MAP2: variants seen among roughly 807,000 people sequenced by gnomAD.
The protein encoded by MAP2 is microtubule-associated protein 2.
A neutral mutation model predicts 137.6 loss-of-function variants in MAP2; 14 were observed. That is an observed-to-expected ratio of 0.10 (90% CI 0.07 to 0.16). The LOEUF (loss-of-function observed/expected upper bound fraction) is 0.16, where lower values mean the gene tolerates loss of function less well. MAP2 is among the 10% of genes least tolerant of loss of function. The pLI is 1.00. For synonymous variants in MAP2, 786 were observed against 782.3 expected (o/e 1.00, Z -0.08); for missense variants, 2,088 against 2,191.5 (o/e 0.95, Z 0.94).
chr2:209,581,833 C>T (rs1476990376), intron 3 of MAP2, among the ~76,000 whole-genome samples: 1 of 152,128 alleles, frequency 6.6e-6, no homozygotes, highest in Non-Finnish European at 1.5e-5. Flanking sequence ...GGAGAAGGGG[C>T]ATACAATCTC....
chr2:209,602,348 T>C (rs1289472904), intron 3 of MAP2, among the ~76,000 whole-genome samples: 1 of 152,164 alleles, frequency 6.6e-6, no homozygotes. Context: ...TAACAAAGGA[T>C]GCAAAGGTAT....
intron 3 of MAP2, among the ~76,000 whole-genome samples, chr2:209,595,890 G>C (rs2081154408): frequency 6.6e-6 from 1 of 152,160 alleles, no homozygotes; most frequent in South Asian, 2.1e-4. Context: ...TCACTCATAG[G>C]TGGGAATTGA....
At chr2:209,614,874 C>T (rs2088586582) in intron 3 of MAP2, among the ~76,000 whole-genome samples, 1 of 152,038 alleles carries the variant, frequency 6.6e-6, no homozygotes, top group African/African-American at 2.4e-5. Flanking sequence ...TGGAGATCAC[C>T]CTTAATTGTA....
At chr2:209,467,930 T>A (rs1704561473) in intron 1 of MAP2, among the ~76,000 whole-genome samples, 1 of 152,208 alleles carries the variant, frequency 6.6e-6, no homozygotes. Flanking sequence ...CTAGCTCATA[T>A]GAAGTGCTAC....
intron 2 of MAP2, among the ~76,000 whole-genome samples, chr2:209,536,350 T>G (rs868824534): frequency 5.3e-5 from 8 of 152,260 alleles, no homozygotes; most frequent in Non-Finnish European, 8.8e-5. Flanking sequence ...TGCTTCATTT[T>G]GGGCTTGAGC....
intron 1 of MAP2, among the ~76,000 whole-genome samples, chr2:209,479,296 G>A (rs1708158618): frequency 2.0e-5 from 3 of 152,016 alleles, no homozygotes; most frequent in African/African-American, 7.2e-5. Flanking sequence ...GTGGGGTTTT[G>A]TTGAAATTGG....
chr2:209,656,542 G>A (rs913569205), intron 5 of MAP2, among the ~76,000 whole-genome samples: 1 of 151,400 alleles, frequency 6.6e-6, no homozygotes, highest in Non-Finnish European at 1.5e-5. Flanking sequence ...TCTAGATTTT[G>A]TCCCCTTTTT....
At chr2:209,456,677 TGTG>T (rs1701613954) in intron 1 of MAP2, among the ~76,000 whole-genome samples, 2 of 152,188 alleles carry the variant, frequency 1.3e-5, no homozygotes, top group Non-Finnish European at 2.9e-5. Context: ...GAGGAAGTGT[TGTG>T]GTCATTGTTG....
At chr2:209,516,709 T>A (rs2062564121) in intron 2 of MAP2, among the ~76,000 whole-genome samples, 1 of 152,138 alleles carries the variant, frequency 6.6e-6, no homozygotes, top group Non-Finnish European at 1.5e-5. Flanking sequence ...CTTTCCATTA[T>A]CCCTTAGAGA....
chr2:209,521,522 T>A (rs1354973349), intron 2 of MAP2, among the ~76,000 whole-genome samples: 2 of 152,018 alleles, frequency 1.3e-5, no homozygotes, highest in African/African-American at 4.8e-5. Context: ...GTGTTTATGC[T>A]TCCTTCCTTG....
At chr2:209,716,859 G>C (rs1189740256) in intron 13 of MAP2, among the ~76,000 whole-genome samples, 2 of 152,060 alleles carry the variant, frequency 1.3e-5, no homozygotes, top group African/African-American at 2.4e-5. Context: ...ACTACTTGGA[G>C]CATGATAGTA....
intron 6 of MAP2, among the ~76,000 whole-genome samples, chr2:209,679,670 A>G (rs1330187329): frequency 6.6e-6 from 1 of 152,110 alleles, no homozygotes; most frequent in Non-Finnish European, 1.5e-5. Context: ...ATAATAATTT[A>G]GAATACACTC....
At position 209,730,309 on chromosome 2, in the gene MAP2, C is replaced by T. The variant is rs1243992461; in HGVS notation, c.5396C>T (p.Ser1799Leu). ...CCCCGACGACTCAGCAATGTCTCCT[C>T]GTCTGGAAGCATCAACCTGCTCGAA... Reference protein sequence around the residue: ...ASPRRLSNVSSSGSINLLESP... With the variant: ...ASPRRLSNVSLSGSINLLESP... The change falls in exon 16 of 16, where the codon TCG becomes TTG. Residue 1799 changes from serine to leucine, a missense_variant. Ser to Leu is a moderately radical substitution (Grantham distance 145). Around this residue, in one of 6 missense-constraint regions of MAP2, gnomAD observed 112 missense variants for 201.0 expected, o/e 0.56. Coordinates refer to ENST00000682079, the MANE Select transcript of MAP2 (RefSeq NM_001375505.1). 4 of 1,613,966 alleles carry T rather than the reference C, an allele frequency of 2.5e-6. No individual in the cohort carries two copies. The highest frequency in any genetic ancestry group is 2.2e-5 in the East Asian group (1 of 44,896).
intron 13 of MAP2, among the ~76,000 whole-genome samples, chr2:209,715,369 C>T (rs921019809): frequency 2.0e-5 from 3 of 151,950 alleles, no homozygotes; most frequent in Admixed American, 1.3e-4. Flanking sequence ...TTTACTTGAC[C>T]ATTGAGTCAA....
rs771516547 is a variant in MAP2 at position 209,693,193 on chromosome 2, C to T, written c.1023C>T (p.Ala341=). 1.2e-6 allele frequency: 2 copies of T among 1,612,348 alleles called. No individual in the cohort carries two copies. The highest frequency in any genetic ancestry group is 1.7e-6 in the Non-Finnish European group (2 of 1,179,580). ...TAGTTACAGAAACATCGCCCTTTGC[C>T]CCTGCCTTTTTACAGCCAGATGACA... ...NEIVTETSPF[A]PAFLQPDDKK... Residue 341 remains alanine, a synonymous_variant, in exon 8 of 16, where the codon GCC becomes GCT. Transcript: ENST00000682079.
At chr2:209,710,496 T>G in intron 13 of MAP2, 1 of 469,068 alleles carries the variant, frequency 2.1e-6, no homozygotes, top group Non-Finnish European at 3.8e-6. Flanking sequence ...TTTAGTTGAT[T>G]GACTAACTTT....
intron 3 of MAP2, among the ~76,000 whole-genome samples, chr2:209,614,783 T>C (rs1280834138): frequency 6.6e-6 from 1 of 152,142 alleles, no homozygotes; most frequent in Non-Finnish European, 1.5e-5. Flanking sequence ...GGGTGCCAGC[T>C]TAGTCCCCAC....
chr2:209,634,484 G>A lies in MAP2; in HGVS notation c.-30+9355G>A, dbSNP rs569195933. Among the ~76,000 whole-genome samples, 18 of 152,188 alleles carry A rather than the reference G, an allele frequency of 1.2e-4. 1 individual carries two copies. In the East Asian group the frequency reaches 1.5e-3, roughly 13 times the overall value. ...TGTCATTTTCTTCATCCAGCGAGTG[G>A]AAGGGAAAAGACCAAGGAGGAGCAA... On this transcript the variant is annotated intron_variant, in intron 4 of 15. Coordinates refer to ENST00000682079, the MANE Select transcript of MAP2 (RefSeq NM_001375505.1).
intron 1 of MAP2, among the ~76,000 whole-genome samples, chr2:209,428,748 A>G (rs1054094592): frequency 6.6e-6 from 1 of 151,704 alleles, no homozygotes; most frequent in African/African-American, 2.4e-5. Context: ...TTCCTTGTAT[A>G]CCAATCTTTC....
Sources: allele counts gnomAD v4.1 joint callset (sites outside exome capture counted in the v4.1 genomes callset), GRCh38; gene constraint gnomAD v4.1.1; regional missense constraint gnomAD v4.1.1; transcripts MANE v1.5; gene names NCBI Gene and HGNC (gene_info 2026-07-23, HGNC 2026-07-21).